ACVR1B: variants seen among roughly 807,000 people sequenced by gnomAD.
The protein encoded by ACVR1B is activin receptor type-1B.
ACVR1B carries 15 observed loss-of-function variants against 55.6 expected under a neutral mutation model. The observed-to-expected ratio is 0.27, with a 90% CI of 0.18 to 0.42. The LOEUF (loss-of-function observed/expected upper bound fraction) is 0.42. Among genes scored for constraint, ACVR1B ranks in the 10% least tolerant of loss-of-function variants. The pLI, the probability that ACVR1B is intolerant of heterozygous loss-of-function variation, is 1.00. For missense variants in ACVR1B, 359 were observed against 670.1 expected, an observed-to-expected ratio of 0.54 and a Z score of 5.13; for synonymous variants, 247 against 254.6, an observed-to-expected ratio of 0.97 and a Z score of 0.28.
At chr12:51,985,118 G>A in intron 5 of ACVR1B, 74 bp from the exon 6 acceptor site, 1 of 1,474,648 alleles carries the variant, frequency 6.8e-7, no homozygotes. Flanking sequence ...AACCTATACA[G>A]TCTGGCTGCA....
intron 7 of ACVR1B, 103 bp from the exon 8 acceptor site, chr12:51,991,760 G>A (rs896745358): frequency 3.7e-5 from 46 of 1,241,702 alleles, no homozygotes; most frequent in Non-Finnish European, 4.9e-5. Context: ...GGAACCTTAG[G>A]GGGTAGTGGT....
intron 3 of ACVR1B, among the ~76,000 whole-genome samples, chr12:51,979,416 G>A (rs1266301733): frequency 2.3e-5 from 3 of 128,924 alleles, no homozygotes; most frequent in African/African-American, 3.0e-5. Context: ...GCAGTGAGCC[G>A]AAATCATACC....
intron 6 of ACVR1B, among the ~76,000 whole-genome samples, chr12:51,986,379 C>T (rs1298212002): frequency 1.3e-5 from 2 of 152,266 alleles, no homozygotes; most frequent in Non-Finnish European, 2.9e-5. Context: ...CTGCCTCAGC[C>T]TCCCGAGTAG....
At chr12:51,960,984 G>A (rs1456204490) in intron 1 of ACVR1B, among the ~76,000 whole-genome samples, 1 of 96,342 alleles carries the variant, frequency 1.0e-5, no homozygotes, top group Non-Finnish European at 2.4e-5. Context: ...TCTGAACCCA[G>A]TGTAGCTAAT....
At chr12:51,953,426 C>G (rs1941349235) in intron 1 of ACVR1B, 1 of 985,302 alleles carries the variant, frequency 1.0e-6, no homozygotes, top group African/African-American at 1.7e-5. Flanking sequence ...CCTCACTGCT[C>G]TGTGGCTTAG....
At chr12:51,952,711 T>A (rs1270657408) in intron 1 of ACVR1B, among the ~76,000 whole-genome samples, 2 of 152,170 alleles carry the variant, frequency 1.3e-5, no homozygotes, top group African/African-American at 4.8e-5. Context: ...TCCTGGAACC[T>A]GTCTCCAAAC....
chr12:51,972,945 A>G (rs1302089945), intron 1 of ACVR1B, among the ~76,000 whole-genome samples: 3 of 151,850 alleles, frequency 2.0e-5, no homozygotes, highest in East Asian at 1.9e-4. Flanking sequence ...AGGCTCAGGG[A>G]CTCACCCAGC....
rs1463806034 is a variant in ACVR1B at position 51,995,969 on chromosome 12, A to C, written c.*1859A>C. 6.6e-6 allele frequency: 1 copy of C among 152,662 alleles called. No individual in the cohort carries two copies. Among genetic ancestry groups the C allele is most frequent in the Non-Finnish European group, 1.5e-5 (1 of 68,086 alleles). The allele number at this position is 152,662 out of a possible 1,614,324, so 9.5% of individuals were successfully genotyped here. A position where few individuals can be genotyped will look rare whatever the true frequency, so the allele number is the denominator to read the frequency against. ...GGTGCTGGGAATACATCTGTGGACA[A>C]GACATGCTTGGGTCCTACTCCTGGA... On this transcript the variant is annotated 3_prime_UTR_variant, in exon 9 of 9. Transcript: ENST00000257963.
At chr12:51,971,032 G>A (rs1941737909) in intron 1 of ACVR1B, among the ~76,000 whole-genome samples, 1 of 152,092 alleles carries the variant, frequency 6.6e-6, no homozygotes. Flanking sequence ...GAGGGTCTGA[G>A]GCGGGATGTT....
chr12:51,959,780 T>C (rs1941482710), intron 1 of ACVR1B, among the ~76,000 whole-genome samples: 2 of 152,174 alleles, frequency 1.3e-5, no homozygotes, highest in South Asian at 4.1e-4. Flanking sequence ...CACATGTGGC[T>C]TTCATCTGAC....
rs71092738 is a variant in ACVR1B at position 51,990,312 on chromosome 12, C to CTTTTTTTTTT, written c.1262-1538_1262-1529dup. Among the ~76,000 whole-genome samples, 51 of 89,582 alleles carry CTTTTTTTTTT rather than the reference C, an allele frequency of 5.7e-4. 4 individuals carry two copies. The highest frequency in any genetic ancestry group is 6.8e-4 in the Non-Finnish European group (35 of 51,222). The allele number at this position is 89,582 out of a possible 152,430, so 58.8% of individuals were successfully genotyped here. On this transcript the variant is annotated intron_variant, in intron 7 of 8. Transcript: ENST00000257963. ...CACACACACACACACAAATTTAGTG[C>CTTTTTTTTTT]TTTTTTTTTTTTTTTTTTTTTTGAG...
At position 51,976,324 on chromosome 12, in the gene ACVR1B, C is replaced by T. The variant is rs1941854034; in HGVS notation, c.332-3C>T. ...TTTCCCTCTCCTCTCTCACTTGACT[C>T]AGGTCACCTCAAGGAGCCTGAGCAC... On this transcript the variant is annotated splice_polypyrimidine_tract_variant and splice_region_variant and intron_variant, in intron 2 of 8. Transcript: ENST00000257963. The T allele has an allele frequency of 6.2e-7, 1 of 1,614,130 alleles. No homozygotes were observed. Among genetic ancestry groups the T allele is most frequent in the Non-Finnish European group, 8.5e-7 (1 of 1,179,998 alleles).
chr12:51,994,345 G>C lies in ACVR1B; in HGVS notation c.*235G>C. On this transcript the variant is annotated 3_prime_UTR_variant, in exon 9 of 9. Coordinates refer to ENST00000257963, the MANE Select transcript of ACVR1B (RefSeq NM_004302.5). The surrounding 1 kb of genome is among the most constrained non-coding windows in gnomAD (Gnocchi z 4.2). ...TGGAGACTCTGAGAGCGAATTGTGT[G>C]GAGAACTCAGTGCCACACCTCGAAC... The C allele has an allele frequency of 2.0e-6, 1 of 493,886 alleles. No homozygotes were observed. The highest frequency in any genetic ancestry group is 2.3e-5 in the South Asian group (1 of 44,438). 30.6% of individuals were successfully genotyped at this position (493,886 alleles called of 1,614,324 possible). A position where few individuals can be genotyped will look rare whatever the true frequency, so the allele number is the denominator to read the frequency against.
chr12:51,955,836 A>C (rs1198667882), intron 1 of ACVR1B, among the ~76,000 whole-genome samples: 2 of 152,192 alleles, frequency 1.3e-5, no homozygotes, highest in African/African-American at 2.4e-5. Context: ...CATCAGTTCC[A>C]CTTGGACTGG....
At chr12:51,954,398 C>T (rs808873) in intron 1 of ACVR1B, among the ~76,000 whole-genome samples, 152,360 of 152,364 alleles carry the variant, frequency 1, 76,178 homozygotes, top group Middle Eastern at 1. Flanking sequence ...ATTCATTTCT[C>T]AAGACAAAAG....
intron 1 of ACVR1B, among the ~76,000 whole-genome samples, chr12:51,957,522 C>T (rs569622728): frequency 2.0e-5 from 3 of 151,492 alleles, no homozygotes; most frequent in Admixed American, 1.3e-4. Context: ...CCTCCTTTGT[C>T]AGCCTCCCAA....
At chr12:51,978,450 T>C (rs1941910223) in intron 3 of ACVR1B, among the ~76,000 whole-genome samples, 1 of 152,176 alleles carries the variant, frequency 6.6e-6, no homozygotes, top group African/African-American at 2.4e-5. Flanking sequence ...AAGTAGTAAG[T>C]CCATGCTGCT....
intron 4 of ACVR1B, among the ~76,000 whole-genome samples, chr12:51,982,301 C>T (rs772927227): frequency 6.6e-6 from 1 of 152,170 alleles, no homozygotes; most frequent in Non-Finnish European, 1.5e-5. Flanking sequence ...GAGAGGGAGG[C>T]AGAGGCCAGA....
intron 7 of ACVR1B, among the ~76,000 whole-genome samples, chr12:51,989,321 G>A (rs1942143199): frequency 6.6e-6 from 1 of 151,906 alleles, no homozygotes; most frequent in East Asian, 1.9e-4. Context: ...GTTTCTCTTT[G>A]TCACCCAGGC....
Sources: gnomAD v4.1 joint callset for allele counts (sites outside exome capture counted in the v4.1 genomes callset) on GRCh38, gnomAD v4.1.1 for gene constraint, Gnocchi (gnomAD v3.1) non-coding constraint, MANE v1.5 for transcripts, NCBI Gene and HGNC (gene_info 2026-07-23, HGNC 2026-07-21) for gene names.